Variants in DTNBP1 observed in about 807,000 individuals in gnomAD.
The protein encoded by DTNBP1 is dystrobrevin binding protein 1, also known as dysbindin.
DTNBP1 carries 35 observed loss-of-function variants against 42.8 expected under a neutral mutation model. The ratio of observed to expected loss-of-function variants is 0.82; its 90% CI spans 0.63 to 1.09. The LOEUF is 1.09. Among genes scored for constraint, DTNBP1 ranks in the 50% least tolerant of loss-of-function variants. The pLI is 0.00. For missense variants in DTNBP1, 457 were observed against 424.2 expected (o/e 1.08, Z -0.68); for synonymous variants, 171 against 162.2 (o/e 1.05, Z -0.41).
At chr6:15,623,758 CAT>C (rs893226600) in intron 5 of DTNBP1, among the ~76,000 whole-genome samples, 26 of 152,182 alleles carry the variant, frequency 1.7e-4, no homozygotes, top group Non-Finnish European at 2.9e-4. Flanking sequence ...ACTTTTCAAA[CAT>C]ATTTTTCCAG....
intron 8 of DTNBP1, among the ~76,000 whole-genome samples, chr6:15,532,473 C>T (rs1017663993): frequency 2.0e-5 from 3 of 151,872 alleles, no homozygotes; most frequent in Admixed American, 1.3e-4. Flanking sequence ...TAACAACAGG[C>T]GGAAAGAGCC....
intron 7 of DTNBP1, among the ~76,000 whole-genome samples, chr6:15,542,299 A>G (rs1280497228): frequency 6.6e-6 from 1 of 152,224 alleles, no homozygotes; most frequent in Non-Finnish European, 1.5e-5. Flanking sequence ...GTCAAATTAC[A>G]TAACCACTAG....
At chr6:15,532,287 AGG>A (rs1167650237) in intron 8 of DTNBP1, among the ~76,000 whole-genome samples, 2 of 152,242 alleles carry the variant, frequency 1.3e-5, no homozygotes, top group African/African-American at 4.8e-5. Flanking sequence ...GTTCTTCCAA[AGG>A]AAAAGCTGGG....
intron 3 of DTNBP1, among the ~76,000 whole-genome samples, chr6:15,649,253 T>C (rs898385187): frequency 6.6e-6 from 1 of 152,032 alleles, no homozygotes; most frequent in East Asian, 1.9e-4. Context: ...AGCCAAAAAG[T>C]GGAAGCAACT....
chr6:15,540,155 A>G (rs1773474825), intron 7 of DTNBP1, among the ~76,000 whole-genome samples: 1 of 152,132 alleles, frequency 6.6e-6, no homozygotes, highest in Admixed American at 6.5e-5. Context: ...ACCTTTCAGT[A>G]CTCTTAATAA....
chr6:15,626,361 C>T (rs932362705), intron 5 of DTNBP1, among the ~76,000 whole-genome samples: 4 of 152,190 alleles, frequency 2.6e-5, no homozygotes, highest in African/African-American at 7.2e-5. Flanking sequence ...CCAAATACTA[C>T]GTATCTATTT....
At chr6:15,541,966 A>C (rs1271708764) in intron 7 of DTNBP1, among the ~76,000 whole-genome samples, 1 of 152,194 alleles carries the variant, frequency 6.6e-6, no homozygotes, top group African/African-American at 2.4e-5. Flanking sequence ...CCTCTCTCTT[A>C]AGAGTTCAAA....
chr6:15,598,895 A>T (rs1211810067), intron 6 of DTNBP1, among the ~76,000 whole-genome samples: 1 of 152,234 alleles, frequency 6.6e-6, no homozygotes, highest in Non-Finnish European at 1.5e-5. Flanking sequence ...ATCCTTATTT[A>T]TTATGCTATT....
intron 5 of DTNBP1, among the ~76,000 whole-genome samples, chr6:15,618,420 G>A (rs533604795): frequency 2.0e-5 from 3 of 151,970 alleles, no homozygotes; most frequent in African/African-American, 7.2e-5. Flanking sequence ...ACTACCTACT[G>A]GGTACAACGT....
chr6:15,605,738 G>A (rs9476863), intron 6 of DTNBP1, among the ~76,000 whole-genome samples: 22,583 of 152,032 alleles, frequency 0.15, 2,417 homozygotes, highest in African/African-American at 0.3. Flanking sequence ...TACGAAAAAT[G>A]TATTTCCTAT....
intron 7 of DTNBP1, among the ~76,000 whole-genome samples, chr6:15,567,412 C>G (rs1389467767): frequency 1.3e-5 from 2 of 152,056 alleles, no homozygotes; most frequent in Admixed American, 6.6e-5. Context: ...ATGATTGCAC[C>G]ACTGCACTTT....
At chr6:15,602,487 G>C (rs889596107) in intron 6 of DTNBP1, among the ~76,000 whole-genome samples, 1 of 152,132 alleles carries the variant, frequency 6.6e-6, no homozygotes, top group Non-Finnish European at 1.5e-5. Flanking sequence ...TTCAACTGAA[G>C]ACTAAAATAA....
chr6:15,603,814 C>T (rs1274707551), intron 6 of DTNBP1, among the ~76,000 whole-genome samples: 2 of 152,146 alleles, frequency 1.3e-5, no homozygotes, highest in Non-Finnish European at 2.9e-5. Flanking sequence ...TTTCCCAGTC[C>T]GACTATTGGG....
intron 7 of DTNBP1, among the ~76,000 whole-genome samples, chr6:15,554,078 C>T (rs911785204): frequency 2.6e-5 from 4 of 152,158 alleles, no homozygotes; most frequent in Non-Finnish European, 5.9e-5. Context: ...CCCCAGTTGA[C>T]TGCTATTACA....
intron 7 of DTNBP1, among the ~76,000 whole-genome samples, chr6:15,592,327 AAT>A (rs1776332896): frequency 6.6e-6 from 1 of 152,238 alleles, no homozygotes; most frequent in African/African-American, 2.4e-5. Flanking sequence ...TATTGAAATG[AAT>A]CTCTCGAGAA....
chr6:15,637,710 T>C (rs1163798204), intron 4 of DTNBP1, 34 bp downstream of exon 4: 1 of 1,611,402 alleles, frequency 6.2e-7, no homozygotes, highest in East Asian at 2.2e-5. Context: ...AAAAGGAAAG[T>C]TTGCCACGAG....
At chr6:15,597,733 G>A (rs1381100990) in intron 6 of DTNBP1, among the ~76,000 whole-genome samples, 2 of 152,170 alleles carry the variant, frequency 1.3e-5, no homozygotes, top group Non-Finnish European at 2.9e-5. Context: ...TGCATCACAT[G>A]CGTGCCCAGA....
intron 8 of DTNBP1, among the ~76,000 whole-genome samples, chr6:15,525,452 C>T (rs1772318479): frequency 6.6e-6 from 1 of 152,256 alleles, no homozygotes; most frequent in Non-Finnish European, 1.5e-5. Context: ...TCAATCCCAA[C>T]CCAATCTGGC....
intron 3 of DTNBP1, among the ~76,000 whole-genome samples, chr6:15,642,728 G>T (rs761648312): frequency 6.6e-6 from 1 of 152,108 alleles, no homozygotes; most frequent in Non-Finnish European, 1.5e-5. Context: ...ACCCCATATA[G>T]CATTTGGCTC....
Sources: gnomAD v4.1 joint callset for allele counts (sites outside exome capture counted in the v4.1 genomes callset) on GRCh38, gnomAD v4.1.1 for gene constraint, MANE v1.5 for transcripts, NCBI Gene and HGNC (gene_info 2026-07-23, HGNC 2026-07-21) for gene names.